The following SLC10A7 variants were observed in gnomAD, a reference collection of about 807,000 sequenced individuals.
SLC10A7 encodes solute carrier family 10 member 7.
Under a neutral mutation model 43.2 loss-of-function variants are expected in SLC10A7, and 29 were observed. That is an observed-to-expected ratio of 0.67 (90% confidence interval 0.50 to 0.92). The LOEUF (loss-of-function observed/expected upper bound fraction) is 0.92. SLC10A7 is among the 40% of genes least tolerant of loss of function. The probability of loss-of-function intolerance (pLI) is 0.00; values close to 1 mark genes in which losing one functional copy is unlikely to be tolerated. For synonymous variants in SLC10A7, 152 were observed against 144.8 expected (o/e 1.05, Z -0.35); for missense variants, 295 against 403.2 (o/e 0.73, Z 2.30).
At chr4:146,507,137 A>T (rs952132342) in intron 3 of SLC10A7, among the ~76,000 whole-genome samples, 2 of 152,264 alleles carry the variant, frequency 1.3e-5, no homozygotes, top group African/African-American at 4.8e-5. Context: ...TTCAGAAAGA[A>T]TTCATATGTT....
intron 5 of SLC10A7, among the ~76,000 whole-genome samples, chr4:146,328,812 A>T (rs1733337525): frequency 6.6e-6 from 1 of 152,214 alleles, no homozygotes; most frequent in Admixed American, 6.5e-5. Flanking sequence ...ATATATCTAT[A>T]GGAAAAATTC....
intron 3 of SLC10A7, among the ~76,000 whole-genome samples, chr4:146,509,612 A>C (rs540909852): frequency 6.6e-6 from 1 of 152,218 alleles, no homozygotes; most frequent in Non-Finnish European, 1.5e-5. Flanking sequence ...ATTGACTTGC[A>C]TACAGATCTT....
At chr4:146,386,763 C>T (rs187137266) in intron 5 of SLC10A7, among the ~76,000 whole-genome samples, 2 of 152,146 alleles carry the variant, frequency 1.3e-5, no homozygotes, top group African/African-American at 4.8e-5. Context: ...TCTAAATATT[C>T]CTTCAGTTAT....
At chr4:146,440,655 T>C (rs936988540) in intron 5 of SLC10A7, among the ~76,000 whole-genome samples, 2 of 152,192 alleles carry the variant, frequency 1.3e-5, no homozygotes, top group Non-Finnish European at 2.9e-5. Flanking sequence ...CCTAGGTTGT[T>C]GTAACTATGG....
At chr4:146,489,326 G>A (rs1188010103) in intron 4 of SLC10A7, among the ~76,000 whole-genome samples, 1 of 152,226 alleles carries the variant, frequency 6.6e-6, no homozygotes, top group Non-Finnish European at 1.5e-5. Flanking sequence ...CACAGGTATT[G>A]AAGCCAGAGT....
intron 10 of SLC10A7, among the ~76,000 whole-genome samples, chr4:146,266,759 A>T (rs1728582907): frequency 6.6e-6 from 1 of 152,218 alleles, no homozygotes; most frequent in Non-Finnish European, 1.5e-5. Context: ...AGCTTGGCGC[A>T]GAAGCTGGAG....
At chr4:146,464,225 A>G in intron 4 of SLC10A7, among the ~76,000 whole-genome samples, 1 of 152,206 alleles carries the variant, frequency 6.6e-6, no homozygotes, top group East Asian at 1.9e-4. Flanking sequence ...TATAAGAAGA[A>G]TGTTGTAGAA....
intron 5 of SLC10A7, 176 bp downstream of exon 5, chr4:146,442,607 C>T (rs950010536): frequency 1.4e-6 from 2 of 1,449,482 alleles, no homozygotes; most frequent in Admixed American, 6.8e-5. Context: ...TGTAAGAGAA[C>T]ATTTGCTTTA....
At chr4:146,519,057 A>G (rs1738300890) in intron 1 of SLC10A7, among the ~76,000 whole-genome samples, 1 of 115,570 alleles carries the variant, frequency 8.7e-6, no homozygotes, top group Admixed American at 1.0e-4. Context: ...CAAGCTCAGG[A>G]AAAATCACCA....
At chr4:146,512,367 G>A (rs1340938499) in intron 2 of SLC10A7, among the ~76,000 whole-genome samples, 1 of 152,018 alleles carries the variant, frequency 6.6e-6, no homozygotes, top group African/African-American at 2.4e-5. Context: ...CATATTCTTG[G>A]ACCCCAGAAT....
intron 3 of SLC10A7, among the ~76,000 whole-genome samples, chr4:146,504,634 T>C (rs1051453822): frequency 5.3e-5 from 8 of 152,332 alleles, no homozygotes; most frequent in African/African-American, 1.9e-4. Flanking sequence ...ATTTTGTTTG[T>C]AGGAAGTCTC....
At chr4:146,479,346 C>G (rs1734271686) in intron 4 of SLC10A7, among the ~76,000 whole-genome samples, 1 of 152,096 alleles carries the variant, frequency 6.6e-6, no homozygotes. Flanking sequence ...TTCTAATACC[C>G]TACTTTATCA....
chr4:146,428,289 G>T (rs1729516752), intron 5 of SLC10A7, among the ~76,000 whole-genome samples: 1 of 152,146 alleles, frequency 6.6e-6, no homozygotes, highest in Non-Finnish European at 1.5e-5. Context: ...CCATTACATG[G>T]AGATAGATAG....
intron 5 of SLC10A7, among the ~76,000 whole-genome samples, chr4:146,405,333 C>T (rs1727591693): frequency 6.6e-6 from 1 of 152,114 alleles, no homozygotes; most frequent in South Asian, 2.1e-4. Flanking sequence ...TATGTCAATT[C>T]CTCCTCACTC....
intron 2 of SLC10A7, among the ~76,000 whole-genome samples, 156 bp from the exon 3 acceptor site, chr4:146,510,205 C>A (rs1355008865): frequency 6.6e-6 from 1 of 150,874 alleles, no homozygotes; most frequent in Non-Finnish European, 1.5e-5. Context: ...AGACAGAATG[C>A]AAGATAAAAA....
intron 10 of SLC10A7, among the ~76,000 whole-genome samples, chr4:146,262,763 C>G (rs2110999961): frequency 6.6e-6 from 1 of 152,312 alleles, no homozygotes; most frequent in South Asian, 2.1e-4. Context: ...TTAAGAGCAC[C>G]TCTTCCACAG....
chr4:146,474,107 A>T (rs534183364), intron 4 of SLC10A7, among the ~76,000 whole-genome samples: 1 of 142,680 alleles, frequency 7.0e-6, no homozygotes, highest in Admixed American at 7.3e-5. Flanking sequence ...TTACTAAACA[A>T]CCTGAGGAAA....
At chr4:146,334,968 A>G (rs1373061514) in intron 5 of SLC10A7, among the ~76,000 whole-genome samples, 1 of 151,924 alleles carries the variant, frequency 6.6e-6, no homozygotes, top group East Asian at 1.9e-4. Flanking sequence ...TAAGTTGGTG[A>G]AGGGTCTGAG....
At chr4:146,374,661 C>CATAT (rs1313401886) in intron 5 of SLC10A7, among the ~76,000 whole-genome samples, 36 of 100,708 alleles carry the variant, frequency 3.6e-4, no homozygotes, top group South Asian at 2.2e-3. Flanking sequence ...CACACACACA[C>CATAT]ATATATATAT....
Sources: allele counts gnomAD v4.1 joint callset (sites outside exome capture counted in the v4.1 genomes callset), GRCh38; gene constraint gnomAD v4.1.1; transcripts MANE v1.5; gene names NCBI Gene and HGNC (gene_info 2026-07-23, HGNC 2026-07-21).